DNAH6: variants seen among roughly 807,000 people sequenced by gnomAD.
The protein encoded by DNAH6 is axonemal beta dynein heavy chain 6.
In DNAH6, 340 loss-of-function variants were observed where a neutral mutation model predicts 491.4. The observed-to-expected ratio is 0.69, with a 90% confidence interval of 0.63 to 0.76. DNAH6 has a LOEUF of 0.76. Among genes scored for constraint, DNAH6 ranks in the 30% least tolerant of loss-of-function variants. The pLI, the probability that DNAH6 is intolerant of heterozygous loss-of-function variation, is 0.00. For missense variants in DNAH6, 4,443 were observed against 4,972.2 expected (o/e 0.89, Z 3.20); for synonymous variants, 1,603 against 1,686.1 (o/e 0.95, Z 1.21).
chr2:84,481,112 G>A, the DNAH6 span, among the ~76,000 whole-genome samples: 112 of 152,272 alleles, frequency 7.4e-4, no homozygotes, highest in African/African-American at 2.4e-3. Context: ...AAAGACTTGT[G>A]TGTACTTGTA....
chr2:84,682,639 C>G lies in DNAH6; in HGVS notation c.6916+1111C>G, dbSNP rs1010799259. On this transcript the variant is annotated intron_variant, in intron 42 of 76. Coordinates refer to ENST00000389394, the MANE Select transcript of DNAH6 (RefSeq NM_001370.2). ...CCCCTCCACCTTGGCCATGCATACC[C>G]CGGCCCCAGAGGAGACTACCATTAG... Among the ~76,000 whole-genome samples, 152 of 152,274 alleles carry G rather than the reference C, an allele frequency of 1.0e-3. 1 individual carries two copies. Among genetic ancestry groups the G allele is most frequent in the African/African-American group, 3.5e-3 (147 of 41,564 alleles).
At position 84,669,341 on chromosome 2, in the gene DNAH6, G is replaced by A. The variant is rs560137470; in HGVS notation, c.6137G>A (p.Arg2046Gln). ...WSIHMDFDTK[R>Q]LDPWERIIPT... ...ATTCATATGGACTTTGACACCAAACGGCTGGATCCCTGGGAACGAATCATA... is the reference window on the plus strand; with the variant it reads ...ATTCATATGGACTTTGACACCAAACAGCTGGATCCCTGGGAACGAATCATA... Residue 2046 changes from arginine to glutamine, a missense_variant, in exon 38 of 77, where the codon CGG (arginine) becomes CAG (glutamine). Physicochemically the swap from Arg to Gln is conservative, Grantham distance 43 (BLOSUM62 1). Around this residue, in one of 3 missense-constraint regions of DNAH6, gnomAD observed 2,977 missense variants for 3,296.6 expected, o/e 0.90. Coordinates refer to ENST00000389394, the MANE Select transcript of DNAH6 (RefSeq NM_001370.2). The A allele has an allele frequency of 4.6e-4, 715 of 1,549,108 alleles. 4 individuals are homozygous for A. The highest frequency in any genetic ancestry group is 5.7e-4 in the Non-Finnish European group (656 of 1,144,738).
In DNAH6 at chr2:84,807,283, T is replaced by A. The variant is rs547530588; in HGVS notation, c.11612-1132T>A. On this transcript the variant is annotated intron_variant, in intron 71 of 76. Coordinates refer to ENST00000389394, the MANE Select transcript of DNAH6 (RefSeq NM_001370.2). Reference sequence around the variant, plus strand: ...TTGTCCAGCAGCCAAATGTGTGTGGTCAAGAAGGAATTTGATACATGTATG... The same window carrying A: ...TTGTCCAGCAGCCAAATGTGTGTGGACAAGAAGGAATTTGATACATGTATG... 7.9e-5 allele frequency among the ~76,000 whole-genome samples: 12 copies of A among 152,306 alleles called. 1 individual carries two copies. The South Asian group carries it at 2.1e-3, about 26-fold the overall frequency.
intron 64 of DNAH6, among the ~76,000 whole-genome samples, 179 bp downstream of exon 64, chr2:84,763,124 C>G (rs979534216): frequency 6.6e-6 from 1 of 151,988 alleles, no homozygotes; most frequent in African/African-American, 2.4e-5. Flanking sequence ...AAGTCATAAA[C>G]GTAGCTGTAA....
At chr2:84,816,209 A>G in intron 76 of DNAH6, 126 bp downstream of exon 76, 1 of 653,570 alleles carries the variant, frequency 1.5e-6, no homozygotes, top group Non-Finnish European at 2.6e-6. Context: ...AAATGAAGCC[A>G]CCTATAACAT....
At position 84,787,078 on chromosome 2, in the gene DNAH6, T is replaced by A. The variant is rs995734410; in HGVS notation, c.11101-86T>A. 70 of 1,075,502 alleles carry A rather than the reference T, an allele frequency of 6.5e-5. 1 individual carries two copies. Among genetic ancestry groups the A allele is most frequent in the Non-Finnish European group, 8.7e-5 (67 of 767,392 alleles). 66.6% of individuals were successfully genotyped at this position (1,075,502 alleles called of 1,614,324 possible). On this transcript the variant is annotated intron_variant, in intron 67 of 76. Transcript: ENST00000389394. ...GCAGTGTGGGGATGCCCATTTTCAA[T>A]GGAAATTTCTTTTTAGTTTCCAGTA...
At chr2:84,549,272 T>C (rs1481308336) in intron 8 of DNAH6, among the ~76,000 whole-genome samples, 1 of 152,230 alleles carries the variant, frequency 6.6e-6, no homozygotes, top group Non-Finnish European at 1.5e-5. Context: ...AGTTTATATA[T>C]GAAAATGTCT....
In DNAH6 at chr2:84,518,051, G is replaced by T; in HGVS notation, c.225G>T (p.Leu75Phe). The T allele has an allele frequency of 6.5e-7, 1 of 1,540,328 alleles. No homozygotes were observed. Among genetic ancestry groups the T allele is most frequent in the South Asian group, 1.2e-5 (1 of 80,802 alleles). The change falls in exon 2 of 77, where the codon TTG (leucine) becomes TTT (phenylalanine). Residue 75 changes from leucine (L) to phenylalanine (F), a missense_variant and splice_region_variant. By Grantham distance (22) the Leu-to-Phe change is conservative. Coordinates refer to ENST00000389394, the MANE Select transcript of DNAH6 (RefSeq NM_001370.2). Reference sequence around the variant, plus strand: ...AGCAGCCTATAAAACTAGAGCCTTTGGTAAGTTCAAAAACCATTGTTTTAG... The same window carrying T: ...AGCAGCCTATAAAACTAGAGCCTTTTGTAAGTTCAAAAACCATTGTTTTAG... The part of the protein sequence containing the change: ...KRQQPIKLEP[L>F]PVLKVYQDHK...
At chr2:84,621,049 G>A (rs1687347645) in intron 24 of DNAH6, 142 bp from the exon 25 acceptor site, 1 of 800,472 alleles carries the variant, frequency 1.2e-6, no homozygotes, top group East Asian at 2.7e-5. Flanking sequence ...TAGATGCATA[G>A]TGGAATGTCA....
Position 84,791,805 on chromosome 2 carries a change from C to T in DNAH6, c.11240-4501C>T, listed in dbSNP as rs191957202. 5.9e-5 allele frequency among the ~76,000 whole-genome samples: 9 copies of T among 151,776 alleles called. No individual in the cohort carries two copies. In the South Asian group the frequency reaches 6.2e-4, roughly 11 times the overall value. ...AAAAGACAATGCTTTATCCAGGTGA[C>T]GATACTTGCTAATGGCGAGTTTTTT... is the stretch of plus-strand genomic sequence containing the variant. On this transcript the variant is annotated intron_variant, in intron 68 of 76. Transcript: ENST00000389394.
chr2:84,513,294 G>T (rs1675405844), upstream of DNAH6, among the ~76,000 whole-genome samples: 1 of 152,052 alleles, frequency 6.6e-6, no homozygotes, highest in Admixed American at 6.5e-5. Context: ...CGGGAAATCA[G>T]ATTCTCCTGC....
Position 84,707,469 on chromosome 2 carries a change from C to T in DNAH6, c.8852-51C>T, listed in dbSNP as rs374540130. On this transcript the variant is annotated intron_variant, in intron 53 of 76. Coordinates refer to ENST00000389394, the MANE Select transcript of DNAH6 (RefSeq NM_001370.2). The stretch of plus-strand genomic sequence containing the variant: ...GAAACAGGTAAATAAGCTTTTAATA[C>T]TTTATGAAAATATTTAATAGTATAA... 1.2e-4 allele frequency: 173 copies of T among 1,446,816 alleles called. 1 individual carries two copies. The African/African-American group carries it at 2.1e-3, about 18-fold the overall frequency. The allele number at this position is 1,446,816 out of a possible 1,614,324, so 89.6% of individuals were successfully genotyped here.
chr2:84,476,641 G>A, the DNAH6 span, among the ~76,000 whole-genome samples: 10 of 151,824 alleles, frequency 6.6e-5, no homozygotes, highest in African/African-American at 1.7e-4. Flanking sequence ...TTTTATTAGC[G>A]CCCACATTGA....
At chr2:84,657,488 T>C (rs1691090822) in intron 35 of DNAH6, among the ~76,000 whole-genome samples, 1 of 152,068 alleles carries the variant, frequency 6.6e-6, no homozygotes. Context: ...TATTTAGTAG[T>C]TCTTTAGCTT....
chr2:84,771,015 G>T (rs181195836), intron 64 of DNAH6, among the ~76,000 whole-genome samples: 1 of 151,850 alleles, frequency 6.6e-6, no homozygotes, highest in Non-Finnish European at 1.5e-5. Context: ...GGGGCCCAGC[G>T]TGGTGGCTCA....
intron 11 of DNAH6, among the ~76,000 whole-genome samples, chr2:84,567,685 T>A (rs1396583284): frequency 1.3e-5 from 2 of 151,876 alleles, no homozygotes; most frequent in African/African-American, 4.8e-5. Context: ...AACCCAAAAC[T>A]ATAAAAACCA....
intron 63 of DNAH6, among the ~76,000 whole-genome samples, chr2:84,754,408 T>C (rs1673794582): frequency 6.6e-6 from 1 of 151,486 alleles, no homozygotes; most frequent in Admixed American, 6.6e-5. Flanking sequence ...CTCGAACTCC[T>C]GACCTCAGAT....
intron 22 of DNAH6, among the ~76,000 whole-genome samples, chr2:84,613,435 G>A (rs1170065353): frequency 1.3e-5 from 2 of 152,094 alleles, no homozygotes; most frequent in East Asian, 1.9e-4. Context: ...CTGGGTCCTT[G>A]ATTACATAGA....
At chr2:84,578,104 A>G (rs1172889246) in intron 13 of DNAH6, among the ~76,000 whole-genome samples, 1 of 152,126 alleles carries the variant, frequency 6.6e-6, no homozygotes, top group Non-Finnish European at 1.5e-5. Flanking sequence ...AATCTAAAAT[A>G]TTTACTATCT....
Sources: gnomAD v4.1 joint callset for allele counts (sites outside exome capture counted in the v4.1 genomes callset) on GRCh38, gnomAD v4.1.1 for gene constraint, gnomAD v4.1.1 regional missense constraint, MANE v1.5 for transcripts, NCBI Gene and HGNC (gene_info 2026-07-23, HGNC 2026-07-21) for gene names.